Variants in ATRX observed in about 807,000 individuals in gnomAD.
ATRX encodes the protein chromatin remodeler ATRX.
A neutral mutation model predicts 172.6 loss-of-function variants in ATRX; 12 were observed. That is an observed-to-expected ratio of 0.07 (90% CI 0.04 to 0.11). The LOEUF is 0.11. Among genes scored for constraint, ATRX ranks in the 10% least tolerant of loss-of-function variants. The pLI, the probability that ATRX is intolerant of heterozygous loss-of-function variation, is 1.00. For missense variants in ATRX, 1,368 were observed against 1,767.4 expected (o/e 0.77, Z 4.05); for synonymous variants, 674 against 594.7 (o/e 1.13, Z -1.94).
At chrX:77,704,353 C>G (rs782376327) in intron 2 of ATRX, among the ~76,000 whole-genome samples, 2 of 111,902 alleles carry the variant, frequency 1.8e-5, no homozygotes, top group African/African-American at 6.5e-5. Context: ...TCTGGCTGAG[C>G]CTGGGGTTTT....
intron 1 of ATRX, among the ~76,000 whole-genome samples, chrX:77,778,640 G>A (rs1167270125): frequency 5.0e-4 from 53 of 106,787 alleles, no homozygotes; most frequent in Non-Finnish European, 9.1e-4. Flanking sequence ...AGAATCGCTT[G>A]AACCCGGGAA....
At chrX:77,562,876 C>T (rs2065067013) in intron 28 of ATRX, among the ~76,000 whole-genome samples, 1 of 112,181 alleles carries the variant, frequency 8.9e-6, no homozygotes, top group Non-Finnish European at 1.9e-5. Context: ...GCTAGTGATG[C>T]TATCTTTTCA....
chrX:77,577,832 T>G (rs1435660777), intron 27 of ATRX, among the ~76,000 whole-genome samples: 2 of 111,225 alleles, frequency 1.8e-5, no homozygotes, highest in Non-Finnish European at 3.8e-5. Context: ...CCTCCCAGCA[T>G]AAACAGCAAA....
At chrX:77,558,605 T>A (rs1225645133) in intron 29 of ATRX, 64 bp downstream of exon 29, 3 of 995,389 alleles carry the variant, frequency 3.0e-6, no homozygotes, top group Non-Finnish European at 4.2e-6. Context: ...ATATGTTCCA[T>A]ATCTCTAAAA....
Position 77,507,267 on chromosome X carries a change from G to A in ATRX, c.*1084C>T, listed in dbSNP as rs782117234. 1.8e-4 allele frequency: 31 copies of A among 170,955 alleles called. No individual in the cohort carries two copies. The highest frequency in any genetic ancestry group is 7.4e-4 in the African/African-American group (25 of 33,589). The allele number at this position is 170,955 out of a possible 1,213,427, so 14.1% of individuals were successfully genotyped here. On this transcript the variant is annotated 3_prime_UTR_variant, in exon 35 of 35. Transcript: ENST00000373344. ...AACATGATGATGAGAGAAAAGAAGC[G>A]CATAGAAGCCAGTGATTCTTATCTT...
chrX:77,550,325 T>TA (rs1159701771), intron 30 of ATRX, among the ~76,000 whole-genome samples: 1 of 112,094 alleles, frequency 8.9e-6, no homozygotes, highest in East Asian at 2.8e-4. Context: ...TGCAAATCAA[T>TA]AAACGTAATC....
chrX:77,731,562 T>C (rs1230034217), intron 1 of ATRX, among the ~76,000 whole-genome samples: 2 of 111,573 alleles, frequency 1.8e-5, no homozygotes, highest in African/African-American at 6.5e-5. Flanking sequence ...CCCGATTGGT[T>C]CTGTTTGAAT....
chrX:77,685,827 G>A (rs1557143552), intron 7 of ATRX, among the ~76,000 whole-genome samples: 2 of 111,387 alleles, frequency 1.8e-5, no homozygotes, highest in African/African-American at 3.3e-5. Context: ...AATAAAATGC[G>A]GTACATATAC....
intron 34 of ATRX, 35 bp downstream of exon 34, chrX:77,520,753 A>C (rs781914060): frequency 2.5e-6 from 3 of 1,194,237 alleles, no homozygotes; most frequent in Non-Finnish European, 3.4e-6. Flanking sequence ...AAAATTAAAC[A>C]TAACCTAGAA....
At chrX:77,633,506 GT>G in intron 18 of ATRX, 59 bp downstream of exon 18, 1 of 1,129,864 alleles carries the variant, frequency 8.9e-7, no homozygotes, top group African/African-American at 1.8e-5. Flanking sequence ...ATTAAAAATA[GT>G]TTACTATATG....
chrX:77,680,919 C>G (rs1445208299), intron 9 of ATRX, among the ~76,000 whole-genome samples: 1 of 111,598 alleles, frequency 9.0e-6, no homozygotes, highest in African/African-American at 3.2e-5. Flanking sequence ...TCCTAGTACT[C>G]TACCTCATCA....
At chrX:77,612,536 G>A (rs1349579561) in intron 22 of ATRX, among the ~76,000 whole-genome samples, 1 of 110,189 alleles carries the variant, frequency 9.1e-6, no homozygotes, top group African/African-American at 3.3e-5. Flanking sequence ...GTATACTTAC[G>A]TAACAAACCT....
intron 30 of ATRX, among the ~76,000 whole-genome samples, chrX:77,549,176 G>A (rs1342862427): frequency 9.0e-6 from 1 of 111,396 alleles, no homozygotes; most frequent in Non-Finnish European, 1.9e-5. Flanking sequence ...CTTGAGGCCA[G>A]GAGTTCGAGA....
intron 21 of ATRX, 68 bp downstream of exon 21, chrX:77,618,738 C>T: frequency 9.5e-7 from 1 of 1,049,494 alleles, no homozygotes; most frequent in South Asian, 2.0e-5. Flanking sequence ...ACTTTAAGCT[C>T]AGAAAATATG....
rs2148576922 is a variant in ATRX, at chrX:77,681,964, C to T, written c.3292G>A (p.Gly1098Arg). The T allele has an allele frequency of 8.3e-7, 1 of 1,210,395 alleles. No homozygotes were observed. Residue 1098 changes from glycine to arginine, a missense_variant, in exon 9 of 35, where the codon GGA (glycine) becomes AGA (arginine). Gly to Arg is a moderately radical substitution (Grantham distance 125). Coordinates refer to ENST00000373344, the MANE Select transcript of ATRX (RefSeq NM_000489.6). ...GREKKRCKLL[G>R]KSSRKRQDCS... ...TCTTGTCTCTTCCTTGAACTCTTTC[C>T]AAGCAACTTGCACCTTTTCTTCTCT... is the stretch of plus-strand genomic sequence containing the variant.
intron 2 of ATRX, among the ~76,000 whole-genome samples, chrX:77,699,093 GA>G (rs542829741): frequency 1.8e-3 from 195 of 105,685 alleles, no homozygotes; most frequent in African/African-American, 5.9e-3. Flanking sequence ...AAAAGCAATA[GA>G]AAAAAAAAAT....
chrX:77,710,951 C>T (rs1603261273), intron 2 of ATRX, among the ~76,000 whole-genome samples: 3 of 110,148 alleles, frequency 2.7e-5, no homozygotes, highest in African/African-American at 6.6e-5. Context: ...CACACACACA[C>T]ACACACACAC....
chrX:77,584,583 T>C (rs1602653580), intron 27 of ATRX, among the ~76,000 whole-genome samples: 1 of 111,219 alleles, frequency 9.0e-6, no homozygotes, highest in Non-Finnish European at 1.9e-5. Flanking sequence ...CAAATGGTGC[T>C]GGGGAAAACT....
At chrX:77,644,755 T>C (rs1231127526) in intron 15 of ATRX, among the ~76,000 whole-genome samples, 1 of 106,327 alleles carries the variant, frequency 9.4e-6, no homozygotes, top group Admixed American at 1.0e-4. Flanking sequence ...CAAAAAGGGA[T>C]GGGAGGGAAA....
Sources: gnomAD v4.1 joint callset for allele counts (sites outside exome capture counted in the v4.1 genomes callset) on GRCh38, gnomAD v4.1.1 for gene constraint, MANE v1.5 for transcripts, NCBI Gene and HGNC (gene_info 2026-07-23, HGNC 2026-07-21) for gene names.